The following EYS variants were observed in gnomAD, a reference collection of about 807,000 sequenced individuals.
EYS encodes EGF-like photoreceptor maintenance factor, also known as protein eyes shut homolog.
A neutral mutation model predicts 282.1 loss-of-function variants in EYS; 250 were observed. That is an observed-to-expected ratio of 0.89 (90% CI 0.80 to 0.98). EYS has a LOEUF of 0.98. Among genes scored for constraint, EYS ranks in the 50% least tolerant of loss-of-function variants. The pLI, the probability that EYS is intolerant of heterozygous loss-of-function variation, is 0.00. For synonymous variants in EYS, 1,355 were observed against 1,282.9 expected, an observed-to-expected ratio of 1.06 and a Z score of -1.20; for missense variants, 4,016 against 3,709.0, an observed-to-expected ratio of 1.08 and a Z score of -2.15.
At chr6:65,515,692 CA>C (rs1229487669) in intron 2 of EYS, among the ~76,000 whole-genome samples, 1 of 147,948 alleles carries the variant, frequency 6.8e-6, no homozygotes, top group Non-Finnish European at 1.5e-5. Flanking sequence ...ATCGCAAGGA[CA>C]AAAAACCAAA....
intron 35 of EYS, among the ~76,000 whole-genome samples, chr6:63,881,993 G>C (rs1307326002): frequency 1.3e-5 from 2 of 152,184 alleles, no homozygotes; most frequent in Non-Finnish European, 2.9e-5. Context: ...TACTGTGTCA[G>C]CATTTTCCTG....
intron 41 of EYS, among the ~76,000 whole-genome samples, chr6:63,739,558 C>T (rs1235459896): frequency 2.6e-5 from 4 of 152,126 alleles, no homozygotes; most frequent in Non-Finnish European, 5.9e-5. Context: ...TGGCAATATT[C>T]CCAAAAGTTG....
At chr6:64,107,285 TTATA>T (rs55756711) in intron 31 of EYS, among the ~76,000 whole-genome samples, 1,952 of 101,448 alleles carry the variant, frequency 0.019, 25 homozygotes, top group African/African-American at 0.036. Context: ...ATATATATAT[TTATA>T]TATATATATA....
intron 19 of EYS, among the ~76,000 whole-genome samples, chr6:64,857,248 T>C (rs1399489029): frequency 6.6e-6 from 1 of 152,182 alleles, no homozygotes; most frequent in African/African-American, 2.4e-5. Context: ...ATAGGTACTG[T>C]TTTCACTGAA....
intron 19 of EYS, among the ~76,000 whole-genome samples, chr6:64,886,491 A>C (rs756063191): frequency 6.6e-6 from 1 of 152,036 alleles, no homozygotes; most frequent in Non-Finnish European, 1.5e-5. Context: ...ATAACTTAAA[A>C]TCTAATCTTA....
intron 33 of EYS, among the ~76,000 whole-genome samples, chr6:64,027,595 G>T (rs796450138): frequency 2.0e-5 from 3 of 152,284 alleles, no homozygotes; most frequent in African/African-American, 7.2e-5. Flanking sequence ...AAACCTTGGT[G>T]GTTCAGAGAA....
chr6:65,317,331 G>A (rs1002088006), intron 11 of EYS, among the ~76,000 whole-genome samples: 3 of 152,076 alleles, frequency 2.0e-5, no homozygotes, highest in African/African-American at 7.2e-5. Flanking sequence ...TATTTCTCCA[G>A]AAAATTATAC....
At chr6:64,317,766 C>G (rs768391733) in intron 29 of EYS, among the ~76,000 whole-genome samples, 2 of 152,080 alleles carry the variant, frequency 1.3e-5, no homozygotes, top group Non-Finnish European at 2.9e-5. Flanking sequence ...ATAGCAAAGA[C>G]TTGGAACCAA....
At chr6:64,843,435 C>G (rs1367668928) in intron 19 of EYS, among the ~76,000 whole-genome samples, 1 of 152,190 alleles carries the variant, frequency 6.6e-6, no homozygotes, top group African/African-American at 2.4e-5. Flanking sequence ...AGGGGCAGAA[C>G]TGCCCAAGAC....
At chr6:65,552,320 C>T (rs1282173602) in intron 2 of EYS, among the ~76,000 whole-genome samples, 1 of 152,150 alleles carries the variant, frequency 6.6e-6, no homozygotes, top group Non-Finnish European at 1.5e-5. Context: ...CAAAAGTGAT[C>T]CATCTTTATT....
At chr6:65,322,810 A>G (rs939926779) in intron 11 of EYS, among the ~76,000 whole-genome samples, 3 of 149,840 alleles carry the variant, frequency 2.0e-5, no homozygotes, top group Admixed American at 6.6e-5. Flanking sequence ...AAAAAAAAAA[A>G]AAAGAAAAAA....
At chr6:65,395,102 G>C (rs1345328706) in intron 7 of EYS, among the ~76,000 whole-genome samples, 1 of 152,118 alleles carries the variant, frequency 6.6e-6, no homozygotes, top group African/African-American at 2.4e-5. Flanking sequence ...TCGCTCTTGT[G>C]GCCCAGGCCG....
At chr6:65,206,627 T>C (rs1182991053) in intron 12 of EYS, among the ~76,000 whole-genome samples, 1 of 151,724 alleles carries the variant, frequency 6.6e-6, no homozygotes, top group Non-Finnish European at 1.5e-5. Context: ...GTAAAAATCC[T>C]CAACAAAATG....
intron 2 of EYS, among the ~76,000 whole-genome samples, chr6:65,576,229 A>G (rs1347210555): frequency 6.6e-6 from 1 of 152,050 alleles, no homozygotes; most frequent in Non-Finnish European, 1.5e-5. Flanking sequence ...ATCACTTACT[A>G]TAATCAAGTG....
At chr6:63,880,379 T>A (rs1773094790) in intron 35 of EYS, among the ~76,000 whole-genome samples, 2 of 152,052 alleles carry the variant, frequency 1.3e-5, no homozygotes, top group Admixed American at 1.3e-4. Flanking sequence ...CTCTCCTTGC[T>A]CCTCAAGCTT....
chr6:64,142,496 G>A (rs946962757), intron 31 of EYS, among the ~76,000 whole-genome samples: 8 of 152,122 alleles, frequency 5.3e-5, no homozygotes, highest in Non-Finnish European at 8.8e-5. Context: ...TAAAGTATGA[G>A]GTATAGCAGT....
intron 2 of EYS, among the ~76,000 whole-genome samples, chr6:65,522,020 T>G (rs1346398981): frequency 6.6e-6 from 1 of 152,178 alleles, no homozygotes; most frequent in Non-Finnish European, 1.5e-5. Context: ...TGTGGGTCTC[T>G]TCTTACAAAA....
At chr6:64,614,431 A>C (rs748659266) in intron 24 of EYS, among the ~76,000 whole-genome samples, 3 of 152,130 alleles carry the variant, frequency 2.0e-5, no homozygotes, top group African/African-American at 7.2e-5. Context: ...TAAGCATTGA[A>C]GTCAGACTCA....
chr6:64,641,690 T>C (rs1768157272), intron 22 of EYS, among the ~76,000 whole-genome samples: 1 of 152,150 alleles, frequency 6.6e-6, no homozygotes, highest in African/African-American at 2.4e-5. Flanking sequence ...TGGGGACTGG[T>C]ACAGGTCCAT....
Sources: allele counts gnomAD v4.1 joint callset (sites outside exome capture counted in the v4.1 genomes callset), GRCh38; gene constraint gnomAD v4.1.1; transcripts MANE v1.5; gene names NCBI Gene and HGNC (gene_info 2026-07-23, HGNC 2026-07-21).